ABCB4: variants seen among roughly 807,000 people sequenced by gnomAD.
ABCB4 encodes ATP binding cassette subfamily B member 4.
In ABCB4, 76 loss-of-function variants were observed where a neutral mutation model predicts 145.7. The ratio of observed to expected loss-of-function variants is 0.52; its 90% CI spans 0.43 to 0.63. The LOEUF (loss-of-function observed/expected upper bound fraction) is 0.63, where lower values mean the gene tolerates loss of function less well. ABCB4 is among the 30% of genes least tolerant of loss of function. The probability of loss-of-function intolerance (pLI) is 0.00; values close to 1 mark genes in which losing one functional copy is unlikely to be tolerated. For missense variants in ABCB4, 1,234 were observed against 1,553.1 expected (o/e 0.79, Z 3.45); for synonymous variants, 517 against 566.8 (o/e 0.91, Z 1.25).
the ABCB4 span, among the ~76,000 whole-genome samples, chr7:87,366,266 C>T: frequency 2.6e-5 from 4 of 151,946 alleles, no homozygotes; most frequent in Non-Finnish European, 5.9e-5. Flanking sequence ...TTATATAGCA[C>T]TACAGGGCCT....
intron 13 of ABCB4, 54 bp downstream of exon 13, chr7:87,440,145 T>A: frequency 1.3e-6 from 2 of 1,554,026 alleles, no homozygotes; most frequent in Non-Finnish European, 1.8e-6. Flanking sequence ...ATAAACTCAG[T>A]CCTATGAGGT....
chr7:87,461,918 T>C (rs1483925851), intron 4 of ABCB4, among the ~76,000 whole-genome samples: 1 of 152,212 alleles, frequency 6.6e-6, no homozygotes, highest in Non-Finnish European at 1.5e-5. Context: ...TACATATCTT[T>C]GCTAAGAAAG....
intron 4 of ABCB4, among the ~76,000 whole-genome samples, chr7:87,459,096 G>T (rs1812288883): frequency 6.6e-6 from 1 of 151,994 alleles, no homozygotes; most frequent in South Asian, 2.1e-4. Flanking sequence ...GAGAAATGAT[G>T]TGTGATAAGT....
intron 17 of ABCB4, 25 bp from the exon 18 acceptor site, chr7:87,422,250 C>T (rs1179199292): frequency 1.5e-5 from 24 of 1,549,992 alleles, no homozygotes; most frequent in Non-Finnish European, 1.9e-5. Context: ...TTAAAACGCC[C>T]ACTTGGATTA....
intron 2 of ABCB4, among the ~76,000 whole-genome samples, chr7:87,473,522 A>C (rs1260751130): frequency 6.6e-6 from 1 of 151,860 alleles, no homozygotes; most frequent in Admixed American, 6.6e-5. Context: ...CTTTGCTCAA[A>C]TATTACCTTT....
chr7:87,427,042 C>A, intron 15 of ABCB4, 122 bp from the exon 16 acceptor site: 1 of 855,250 alleles, frequency 1.2e-6, no homozygotes. Flanking sequence ...TTACATGTAT[C>A]AAGATTTTCA....
At chr7:87,426,024 A>G (rs1345083176) in intron 16 of ABCB4, among the ~76,000 whole-genome samples, 3 of 149,126 alleles carry the variant, frequency 2.0e-5, no homozygotes, top group African/African-American at 7.6e-5. Context: ...CAATGCATAC[A>G]GCAAAAAAAA....
At chr7:87,391,487 G>A in the ABCB4 span, 10 of 1,145,694 alleles carry the variant, frequency 8.7e-6, 1 homozygote, top group South Asian at 3.3e-5. Context: ...GTGTTAAAGG[G>A]CTTAGTCTCT....
At chr7:87,445,527 C>G (rs569141282) in intron 9 of ABCB4, among the ~76,000 whole-genome samples, 249 of 152,320 alleles carry the variant, frequency 1.6e-3, no homozygotes, top group Non-Finnish European at 2.5e-3. Context: ...ACACATTTCC[C>G]TTCACAGTAT....
At chr7:87,453,323 A>G (rs1252410415) in intron 5 of ABCB4, among the ~76,000 whole-genome samples, 188 bp from the exon 6 acceptor site, 3 of 152,076 alleles carry the variant, frequency 2.0e-5, no homozygotes, top group Non-Finnish European at 2.9e-5. Context: ...AGCTGGGATT[A>G]CAGGCATGCA....
chr7:87,457,158 C>T (rs1333945104), intron 4 of ABCB4, among the ~76,000 whole-genome samples: 1 of 152,108 alleles, frequency 6.6e-6, no homozygotes, highest in East Asian at 1.9e-4. Flanking sequence ...GTGGCTCACA[C>T]CTATAATTAC....
chr7:87,435,278 A>T (rs1318028778), intron 14 of ABCB4, among the ~76,000 whole-genome samples: 1 of 152,162 alleles, frequency 6.6e-6, no homozygotes, highest in Non-Finnish European at 1.5e-5. Context: ...GTGTGGAGCC[A>T]ATTAGTGCAG....
At chr7:87,370,246 A>C in the ABCB4 span, among the ~76,000 whole-genome samples, 2 of 152,102 alleles carry the variant, frequency 1.3e-5, no homozygotes, top group African/African-American at 4.8e-5. Context: ...GCAGAGGCAC[A>C]ATCTCGGCTC....
chr7:87,404,823 C>T (rs746872420), intron 26 of ABCB4, among the ~76,000 whole-genome samples: 2 of 152,200 alleles, frequency 1.3e-5, no homozygotes, highest in Admixed American at 6.5e-5. Flanking sequence ...TGATGTATCA[C>T]TACACTCTTA....
At chr7:87,400,292 T>C (rs1807725023), downstream of ABCB4, among the ~76,000 whole-genome samples, 1 of 152,220 alleles carries the variant, frequency 6.6e-6, no homozygotes, top group African/African-American at 2.4e-5. Flanking sequence ...TTATGGGTAC[T>C]ATAGCAATCT....
intron 15 of ABCB4, among the ~76,000 whole-genome samples, chr7:87,431,140 A>G (rs530447800): frequency 1.4e-4 from 22 of 152,292 alleles, no homozygotes; most frequent in Admixed American, 1.4e-3. Context: ...TTATGGTAGA[A>G]AGGACCTTTT....
At chr7:87,376,050 G>A in the ABCB4 span, 203 of 1,214,444 alleles carry the variant, frequency 1.7e-4, no homozygotes, top group Non-Finnish European at 2.1e-4. Context: ...TCTACCTTTA[G>A]GCTCTTGAAA....
chr7:87,449,718 T>C (rs1584759350), intron 8 of ABCB4, among the ~76,000 whole-genome samples: 1 of 152,110 alleles, frequency 6.6e-6, no homozygotes, highest in Non-Finnish European at 1.5e-5. Context: ...CATATTTTGG[T>C]TTATGCATTT....
At position 87,451,792 on chromosome 7, in the gene ABCB4, T is replaced by C. The variant is rs531217817; in HGVS notation, c.539A>G (p.Asp180Gly). Residue 180 changes from aspartate to glycine, a missense_variant and splice_region_variant, in exon 7 of 28, where the codon GAC becomes GGC. This residue lies in a region of ABCB4 where 467 missense variants were observed against 632.8 expected (regional missense o/e 0.74). Transcript: ENST00000649586. ...AATTCCTTCACTGATTTTGGAGATG[T>C]CACTAAAAAAGATCACACCTAAGTG... ...TTELNTRLTD[D>G]ISKISEGIGD... The C allele has an allele frequency of 1.2e-6, 2 of 1,614,096 alleles. No individual in the cohort carries two copies. Among genetic ancestry groups the C allele is most frequent in the East Asian group, 2.2e-5 (1 of 44,876 alleles).
Sources: allele counts gnomAD v4.1 joint callset (sites outside exome capture counted in the v4.1 genomes callset), GRCh38; gene constraint gnomAD v4.1.1; regional missense constraint gnomAD v4.1.1; transcripts MANE v1.5; gene names NCBI Gene and HGNC (gene_info 2026-07-23, HGNC 2026-07-21).